Variants in SWAP70 observed in about 807,000 individuals in gnomAD.
SWAP70 encodes the protein switching B cell complex subunit SWAP70, also known as switch-associated protein 70.
SWAP70 carries 34 observed loss-of-function variants against 80.2 expected under a neutral mutation model. The observed-to-expected ratio is 0.42, with a 90% CI of 0.32 to 0.56. The LOEUF is 0.56. Among genes scored for constraint, SWAP70 ranks in the 20% least tolerant of loss-of-function variants. SWAP70 has a pLI of 0.09. For synonymous variants in SWAP70, 239 were observed against 238.5 expected, an observed-to-expected ratio of 1.00 and a Z score of -0.02; for missense variants, 578 against 690.7, an observed-to-expected ratio of 0.84 and a Z score of 1.83.
intron 2 of SWAP70, among the ~76,000 whole-genome samples, chr11:9,702,094 C>T (rs894714828): frequency 1.3e-5 from 2 of 152,168 alleles, no homozygotes; most frequent in Non-Finnish European, 2.9e-5. Context: ...GTCTCTCCTC[C>T]AGAGCCTAGC....
Position 9,750,064 on chromosome 11 carries a change from G to C in SWAP70, c.*94G>C. On this transcript the variant is annotated 3_prime_UTR_variant, in exon 12 of 12. Transcript: ENST00000318950. The stretch of plus-strand genomic sequence containing the variant: ...AAAGAAACAGCTTTGGGGGCCGGGC[G>C]TGGTGGCTCACGCCTGTAATCCCAG... 1 of 883,184 alleles carries C rather than the reference G, an allele frequency of 1.1e-6. No individual in the cohort carries two copies. 54.7% of individuals were successfully genotyped at this position (883,184 alleles called of 1,614,324 possible).
At chr11:9,704,778 C>A (rs557403547) in intron 2 of SWAP70, among the ~76,000 whole-genome samples, 1 of 152,290 alleles carries the variant, frequency 6.6e-6, no homozygotes, top group South Asian at 2.1e-4. Flanking sequence ...TCCTTAGAGA[C>A]TACGTATGTC....
At chr11:9,740,538 C>T (rs904445807) in intron 9 of SWAP70, 191 bp downstream of exon 9, 22 of 632,132 alleles carry the variant, frequency 3.5e-5, no homozygotes, top group South Asian at 2.9e-4. Flanking sequence ...CATTCTGAGG[C>T]GCTGGGAAAC....
At chr11:9,731,460 A>G (rs1050163042) in intron 6 of SWAP70, among the ~76,000 whole-genome samples, 2 of 152,210 alleles carry the variant, frequency 1.3e-5, no homozygotes, top group African/African-American at 4.8e-5. Flanking sequence ...AGATAATGAC[A>G]GATATACTCA....
intron 1 of SWAP70, among the ~76,000 whole-genome samples, chr11:9,675,468 A>G (rs1017732058): frequency 1.1e-4 from 17 of 151,698 alleles, no homozygotes; most frequent in African/African-American, 3.6e-4. Context: ...AAAGGGAGAA[A>G]GACCTCTTAT....
chr11:9,720,648 C>G (rs924219780), intron 3 of SWAP70, among the ~76,000 whole-genome samples: 1 of 152,098 alleles, frequency 6.6e-6, no homozygotes, highest in Non-Finnish European at 1.5e-5. Flanking sequence ...GCCTGTATTC[C>G]CTGTACCCCA....
At chr11:9,729,733 C>T (rs1042330923) in intron 6 of SWAP70, among the ~76,000 whole-genome samples, 1 of 152,142 alleles carries the variant, frequency 6.6e-6, no homozygotes, top group Non-Finnish European at 1.5e-5. Flanking sequence ...ACCTTGTGAT[C>T]CACCTGCCTT....
At chr11:9,720,498 G>A (rs1851120695) in intron 3 of SWAP70, 1 of 985,218 alleles carries the variant, frequency 1.0e-6, no homozygotes, top group Non-Finnish European at 1.2e-6. Context: ...GTGAGGAAGA[G>A]CTAAGGCTGA....
chr11:9,665,352 T>C (rs1484476571), intron 1 of SWAP70, among the ~76,000 whole-genome samples: 1 of 152,246 alleles, frequency 6.6e-6, no homozygotes. Flanking sequence ...AGAATCATAG[T>C]CTGGAAGGGT....
intron 3 of SWAP70, among the ~76,000 whole-genome samples, chr11:9,715,431 A>C (rs1381389201): frequency 1.3e-5 from 2 of 152,216 alleles, no homozygotes; most frequent in Non-Finnish European, 2.9e-5. Context: ...CTCCCACCAG[A>C]GGATGGGTGT....
At position 9,752,757 on chromosome 11, in the gene SWAP70, G is replaced by A. The variant is rs1397875927; in HGVS notation, c.*2787G>A. ...TATATATGAAAAAAGTTTTTGAAATGTATTTTTGTGATGTGCTATGTTGAG... is the reference window on the plus strand; with the variant it reads ...TATATATGAAAAAAGTTTTTGAAATATATTTTTGTGATGTGCTATGTTGAG... On this transcript the variant is annotated 3_prime_UTR_variant, in exon 12 of 12. Coordinates refer to ENST00000318950, the MANE Select transcript of SWAP70 (RefSeq NM_015055.4). 6.6e-6 allele frequency: 1 copy of A among 152,112 alleles called. No homozygotes were observed. Among genetic ancestry groups the A allele is most frequent in the African/African-American group, 2.4e-5 (1 of 41,430 alleles). The allele number at this position is 152,112 out of a possible 1,614,324, so 9.4% of individuals were successfully genotyped here.
In SWAP70 at chr11:9,724,833, C is replaced by T; in HGVS notation, c.590C>T (p.Ser197Phe). The T allele has an allele frequency of 6.2e-7, 1 of 1,613,724 alleles. No individual in the cohort carries two copies. Among genetic ancestry groups the T allele is most frequent in the Non-Finnish European group, 8.5e-7 (1 of 1,179,868 alleles). Reference protein sequence around the residue: ...FSKGMDRQTVSMAINEVFNEL... With the variant: ...FSKGMDRQTVFMAINEVFNEL... The stretch of plus-strand genomic sequence containing the variant: ...AAAGGCATGGACCGGCAGACTGTGT[C>T]TATGGCAATTAATGAAGTCTTTAAT... Residue 197 changes from serine to phenylalanine, a missense_variant, in exon 4 of 12, where the codon TCT becomes TTT. Physicochemically the swap from Ser to Phe is radical, Grantham distance 155. Transcript: ENST00000318950.
chr11:9,690,943 A>T (rs1481892698), intron 1 of SWAP70, among the ~76,000 whole-genome samples: 1 of 152,004 alleles, frequency 6.6e-6, no homozygotes, highest in East Asian at 1.9e-4. Context: ...CCCCTCTGTC[A>T]CCAAGGTTGG....
rs1172442820 is a variant in SWAP70 at position 9,713,614 on chromosome 11, A to G, written c.389A>G (p.Tyr130Cys). The change falls in exon 3 of 12, where the codon TAT becomes TGT. Residue 130 changes from tyrosine to cysteine, a missense_variant. Physicochemically the swap from Tyr to Cys is radical, Grantham distance 194. Transcript: ENST00000318950. ...VIFNFLSEDK[Y>C]PLIIVSEEIE... ...TTCAACTTTTTATCTGAGGACAAGT[A>G]TCCATTAATTATTGTGTCAGAAGAG... is the stretch of plus-strand genomic sequence containing the variant. The G allele has an allele frequency of 1.9e-6, 3 of 1,613,650 alleles. No individual in the cohort carries two copies. Among genetic ancestry groups the G allele is most frequent in the Non-Finnish European group, 2.5e-6 (3 of 1,179,874 alleles).
intron 2 of SWAP70, among the ~76,000 whole-genome samples, chr11:9,703,194 T>G (rs1166434339): frequency 6.6e-6 from 1 of 152,252 alleles, no homozygotes; most frequent in Non-Finnish European, 1.5e-5. Flanking sequence ...CAGCCTTTTG[T>G]ATCTGGCTTC....
chr11:9,708,160 A>T (rs1261646201), intron 2 of SWAP70, among the ~76,000 whole-genome samples: 1 of 152,202 alleles, frequency 6.6e-6, no homozygotes, highest in Non-Finnish European at 1.5e-5. Context: ...ATATATCCAG[A>T]CGTGGGATTG....
chr11:9,739,121 G>A (rs1851402479), intron 8 of SWAP70, among the ~76,000 whole-genome samples: 1 of 152,198 alleles, frequency 6.6e-6, no homozygotes, highest in Admixed American at 6.5e-5. Flanking sequence ...TCTAGAGTCT[G>A]ATTTGTTGCT....
At chr11:9,693,124 G>A (rs1850715453) in intron 1 of SWAP70, among the ~76,000 whole-genome samples, 1 of 152,136 alleles carries the variant, frequency 6.6e-6, no homozygotes, top group Non-Finnish European at 1.5e-5. Context: ...GATGAATGTG[G>A]CTCCTTAAGG....
At chr11:9,725,354 A>C (rs1851195634) in intron 4 of SWAP70, among the ~76,000 whole-genome samples, 2 of 150,610 alleles carry the variant, frequency 1.3e-5, no homozygotes, top group South Asian at 4.2e-4. Context: ...TATTTGTGCG[A>C]TTTTAAAGTA....
Sources: allele counts gnomAD v4.1 joint callset (sites outside exome capture counted in the v4.1 genomes callset), GRCh38; gene constraint gnomAD v4.1.1; transcripts MANE v1.5; gene names NCBI Gene and HGNC (gene_info 2026-07-23, HGNC 2026-07-21).